The following NR3C2 variants were observed in gnomAD, a reference collection of about 807,000 sequenced individuals.
NR3C2 encodes the protein nuclear receptor subfamily 3 group C member 2.
NR3C2 carries 15 observed loss-of-function variants against 86.4 expected under a neutral mutation model. That is an observed-to-expected ratio of 0.17 (90% CI 0.12 to 0.27). The LOEUF is 0.27. NR3C2 is among the 10% of genes least tolerant of loss of function. The pLI, the probability that NR3C2 is intolerant of heterozygous loss-of-function variation, is 1.00. For synonymous variants in NR3C2, 458 were observed against 450.5 expected (o/e 1.02, Z -0.21); for missense variants, 960 against 1,195.6 (o/e 0.80, Z 2.91).
chr4:148,399,929 T>C (rs564358640), intron 2 of NR3C2, among the ~76,000 whole-genome samples: 2 of 152,350 alleles, frequency 1.3e-5, no homozygotes, highest in African/African-American at 4.8e-5. Flanking sequence ...TAAACTTTTC[T>C]ACTTTAATGT....
intron 8 of NR3C2, among the ~76,000 whole-genome samples, chr4:148,101,019 T>A (rs76173207): frequency 1.2e-5 from 1 of 84,824 alleles, no homozygotes; most frequent in African/African-American, 6.7e-5. Flanking sequence ...GTCAAATTCA[T>A]AGAGACAGAA....
intron 2 of NR3C2, among the ~76,000 whole-genome samples, chr4:148,426,525 CT>C: frequency 6.6e-6 from 1 of 152,310 alleles, no homozygotes. Flanking sequence ...TGGAGCCCTT[CT>C]ACTGGAAATT....
chr4:148,116,548 CTT>C (rs1251307837), intron 7 of NR3C2, among the ~76,000 whole-genome samples: 1 of 152,200 alleles, frequency 6.6e-6, no homozygotes, highest in Non-Finnish European at 1.5e-5. Context: ...TCCCGAAAAA[CTT>C]TGATACACTG....
chr4:148,120,944 A>G (rs975734832), intron 6 of NR3C2, among the ~76,000 whole-genome samples: 1 of 152,236 alleles, frequency 6.6e-6, no homozygotes, highest in Non-Finnish European at 1.5e-5. Context: ...CCCTCACACC[A>G]CTATCCAAAT....
intron 3 of NR3C2, among the ~76,000 whole-genome samples, chr4:148,222,931 T>C (rs1470331478): frequency 6.6e-6 from 1 of 152,038 alleles, no homozygotes; most frequent in African/African-American, 2.4e-5. Flanking sequence ...CCTATATACA[T>C]AAATGCATAT....
At chr4:148,400,663 CA>C (rs1341671258) in intron 2 of NR3C2, among the ~76,000 whole-genome samples, 2 of 151,350 alleles carry the variant, frequency 1.3e-5, no homozygotes, top group Non-Finnish European at 2.9e-5. Context: ...CCTGTAGTCC[CA>C]GCTACTCGGG....
chr4:148,440,913 T>A (rs992755993), intron 1 of NR3C2, among the ~76,000 whole-genome samples: 7 of 152,362 alleles, frequency 4.6e-5, no homozygotes, highest in East Asian at 1.9e-4. Flanking sequence ...GCATCTTTTT[T>A]ATATTTATTT....
intron 3 of NR3C2, among the ~76,000 whole-genome samples, chr4:148,252,258 T>G (rs1579069051): frequency 6.6e-6 from 1 of 152,228 alleles, no homozygotes; most frequent in Non-Finnish European, 1.5e-5. Flanking sequence ...TACCTTTAAG[T>G]CTTGTTAAGA....
At chr4:148,416,401 A>G (rs1748998347) in intron 2 of NR3C2, among the ~76,000 whole-genome samples, 1 of 152,222 alleles carries the variant, frequency 6.6e-6, no homozygotes, top group Admixed American at 6.5e-5. Flanking sequence ...TCCTTATAAC[A>G]ATACTGTTTG....
At chr4:148,297,057 T>C (rs1490648627) in intron 2 of NR3C2, among the ~76,000 whole-genome samples, 1 of 152,224 alleles carries the variant, frequency 6.6e-6, no homozygotes, top group Non-Finnish European at 1.5e-5. Flanking sequence ...TGCCCCATGT[T>C]GCTGGTGGCT....
chr4:148,152,317 A>T, intron 6 of NR3C2, 152 bp downstream of exon 6: 1 of 741,578 alleles, frequency 1.3e-6, no homozygotes, highest in South Asian at 1.8e-5. Context: ...GTAATTTTTT[A>T]AGTTCCCAGA....
At position 148,120,151 on chromosome 4, in the gene NR3C2, A is replaced by C. The variant is rs1732449355; in HGVS notation, c.2641+7T>G. The C allele has an allele frequency of 6.2e-7, 1 of 1,614,060 alleles. No homozygotes were observed. The highest frequency in any genetic ancestry group is 8.5e-7 in the Non-Finnish European group (1 of 1,179,938). On this transcript the variant is annotated splice_region_variant and intron_variant, in intron 7 of 8. Transcript: ENST00000358102. The stretch of plus-strand genomic sequence containing the variant: ...TAGAAACAGTGCCAGAATGGGCATC[A>C]ATTTACTTGTGCTTAGTAGCAGCAA...
intron 2 of NR3C2, among the ~76,000 whole-genome samples, chr4:148,431,588 G>T (rs1049216093): frequency 6.6e-6 from 1 of 152,056 alleles, no homozygotes; most frequent in Non-Finnish European, 1.5e-5. Context: ...TTTACAATTT[G>T]GTGCTCAGAC....
chr4:148,162,704 G>A (rs1029108893), intron 4 of NR3C2, among the ~76,000 whole-genome samples: 1 of 152,222 alleles, frequency 6.6e-6, no homozygotes, highest in African/African-American at 2.4e-5. Context: ...CTGTAATTCT[G>A]AAGTGCCCTC....
intron 2 of NR3C2, among the ~76,000 whole-genome samples, chr4:148,413,728 C>T (rs76611012): frequency 0.014 from 2,106 of 151,878 alleles, 46 homozygotes; most frequent in African/African-American, 0.047. Context: ...GAAAATATGC[C>T]CAATTTTCCT....
intron 2 of NR3C2, among the ~76,000 whole-genome samples, chr4:148,414,040 C>T (rs138160899): frequency 3.4e-4 from 52 of 152,266 alleles, no homozygotes; most frequent in African/African-American, 1.2e-3. Context: ...AGCAATAAAA[C>T]TGGAAACAAT....
At chr4:148,389,731 T>C (rs997525448) in intron 2 of NR3C2, among the ~76,000 whole-genome samples, 2 of 152,134 alleles carry the variant, frequency 1.3e-5, no homozygotes, top group Non-Finnish European at 2.9e-5. Context: ...ATACATTCCA[T>C]AGGTGATTAC....
At chr4:148,368,922 G>A (rs1050741980) in intron 2 of NR3C2, among the ~76,000 whole-genome samples, 4 of 152,162 alleles carry the variant, frequency 2.6e-5, no homozygotes, top group Non-Finnish European at 5.9e-5. Context: ...TTCCCTCAGC[G>A]TCCTCACCAG....
At chr4:148,364,911 C>T (rs1247959668) in intron 2 of NR3C2, among the ~76,000 whole-genome samples, 2 of 150,846 alleles carry the variant, frequency 1.3e-5, no homozygotes, top group Non-Finnish European at 2.9e-5. Context: ...GTTTCATATA[C>T]ACCTTATACA....
Sources: allele counts gnomAD v4.1 joint callset (sites outside exome capture counted in the v4.1 genomes callset), GRCh38; gene constraint gnomAD v4.1.1; transcripts MANE v1.5; gene names NCBI Gene and HGNC (gene_info 2026-07-23, HGNC 2026-07-21).